STRA6: variants seen among roughly 807,000 people sequenced by gnomAD.
STRA6 encodes the protein receptor for retinol uptake STRA6.
STRA6 carries 48 observed loss-of-function variants against 83.6 expected under a neutral mutation model. The observed-to-expected ratio is 0.57, with a 90% CI of 0.46 to 0.73. The LOEUF (loss-of-function observed/expected upper bound fraction) is 0.73. Ranked by LOEUF, STRA6 falls within the 30% of genes least tolerant of loss-of-function variation. STRA6 has a pLI of 0.00. For missense variants in STRA6, 760 were observed against 838.8 expected (o/e 0.91, Z 1.16); for synonymous variants, 353 against 362.3 (o/e 0.97, Z 0.29).
chr15:74,199,593 A>C (rs1595860529), intron 2 of STRA6, among the ~76,000 whole-genome samples: 1 of 151,918 alleles, frequency 6.6e-6, no homozygotes, highest in Non-Finnish European at 1.5e-5. Flanking sequence ...TATGGACCTT[A>C]CCCCAAACCA....
rs758174551 is a variant in STRA6, at chr15:74,196,056, C to G, written c.358G>C (p.Asp120His). The G allele has an allele frequency of 1.7e-5, 28 of 1,613,836 alleles. No homozygotes were observed. The highest frequency in any genetic ancestry group is 2.4e-5 in the Non-Finnish European group (28 of 1,180,010). ...GTCAGGAAGGGCAATGCGTCCTCGT[C>G]GGGGAGCAGCAAACACAGGGAGCTC... ...LLSSLCLLLP[D>H]EDALPFLTLA... Residue 120 changes from aspartate (D) to histidine (H), a missense_variant, in exon 5 of 19, where the codon GAC becomes CAC. Transcript: ENST00000395105.
At chr15:74,195,787 G>A (rs752659652) in intron 5 of STRA6, 112 bp from the exon 6 acceptor site, 33 of 871,202 alleles carry the variant, frequency 3.8e-5, no homozygotes, top group Non-Finnish European at 5.7e-5. Flanking sequence ...CTACTTCCCT[G>A]GCTCTCAGTT....
At chr15:74,203,306 AGAG>A (rs2074168417), upstream of STRA6, 2 of 670,794 alleles carry the variant, frequency 3.0e-6, no homozygotes, top group Admixed American at 1.3e-4. Context: ...CGGGTAGGCA[AGAG>A]GAGCCCCGCC....
At chr15:74,186,185 G>C (rs115286077) in intron 12 of STRA6, among the ~76,000 whole-genome samples, 1 of 152,364 alleles carries the variant, frequency 6.6e-6, no homozygotes, top group Non-Finnish European at 1.5e-5. Flanking sequence ...TGGTGATTCA[G>C]TGTGCAGTCA....
chr15:74,185,891 A>C (rs193120339), intron 12 of STRA6, among the ~76,000 whole-genome samples: 12 of 152,370 alleles, frequency 7.9e-5, no homozygotes, highest in Non-Finnish European at 1.6e-4. Flanking sequence ...GCAGATCCAG[A>C]ATGAGCCTGA....
In STRA6 at chr15:74,196,108, C is replaced by A. The variant is rs769004682; in HGVS notation, c.306G>T (p.Val102=). ...GGAGGACCATGAAAACAGCAGCAGG[C>A]ACTGCCCGGGGCCTGTCCCCAGCCA... ...DFLAGDRPRA[V]PAAVFMVLLS... Residue 102 remains valine (V), a synonymous_variant, in exon 5 of 19, where the codon GTG becomes GTT. Coordinates refer to ENST00000395105, the MANE Select transcript of STRA6 (RefSeq NM_022369.4). 1.9e-6 allele frequency: 3 copies of A among 1,614,010 alleles called. No homozygotes were observed. Among genetic ancestry groups the A allele is most frequent in the Non-Finnish European group, 2.5e-6 (3 of 1,180,006 alleles).
chr15:74,208,853 T>C, exon 1 of STRA6: 1 of 988,894 alleles, frequency 1.0e-6, no homozygotes, highest in Non-Finnish European at 1.2e-6. Context: ...TCCTTTCCTT[T>C]ATTGATCTCT....
intron 7 of STRA6, among the ~76,000 whole-genome samples, 182 bp from the exon 8 acceptor site, chr15:74,194,104 G>A (rs937209102): frequency 2.6e-5 from 4 of 151,870 alleles, no homozygotes; most frequent in Non-Finnish European, 5.9e-5. Flanking sequence ...TCCCCTTCTC[G>A]AGCCCTGCAG....
Position 74,189,220 on chromosome 15 carries a change from C to T in STRA6, c.985G>A (p.Val329Ile). The T allele has an allele frequency of 6.2e-7, 1 of 1,611,890 alleles. No individual in the cohort carries two copies. Among genetic ancestry groups the T allele is most frequent in the Non-Finnish European group, 8.5e-7 (1 of 1,179,104 alleles). ...VPTIQKVRAGVTTDVSYLLAG... is the reference protein window; with the variant it reads ...VPTIQKVRAGITTDVSYLLAG... ...AGCAGGTAGGAGACATCCGTGGTGA[C>T]CCCTGCCCTCACCTTCTGGATAGTG... is the stretch of plus-strand genomic sequence containing the variant. The change falls in exon 12 of 19, where the codon GTC becomes ATC. Residue 329 changes from valine to isoleucine, a missense_variant. Transcript: ENST00000395105.
Position 74,180,736 on chromosome 15 carries a change from G to A in STRA6, c.1840+46C>T, listed in dbSNP as rs778139230. 13 of 1,566,648 alleles carry A rather than the reference G, an allele frequency of 8.3e-6. No homozygotes were observed. In the Admixed American group the frequency reaches 9.1e-5, roughly 11 times the overall value. On this transcript the variant is annotated intron_variant, in intron 18 of 18. Coordinates refer to ENST00000395105, the MANE Select transcript of STRA6 (RefSeq NM_022369.4). ...GGAGGGGCACACATCCTTCCTAGAAGAAGCTGGGTAGGCTCTATTCCCCCA... is the reference window on the plus strand; with the variant it reads ...GGAGGGGCACACATCCTTCCTAGAAAAAGCTGGGTAGGCTCTATTCCCCCA...
chr15:74,195,264 G>A (rs1388672717), intron 7 of STRA6, 38 bp downstream of exon 7: 2 of 1,606,526 alleles, frequency 1.2e-6, no homozygotes, highest in South Asian at 1.1e-5. Context: ...GTTGCTCTGT[G>A]CGCCCCTCTG....
chr15:74,202,156 C>A lies in STRA6; in HGVS notation c.112G>T (p.Gly38Trp), dbSNP rs746417423. 2.7e-6 allele frequency: 4 copies of A among 1,501,664 alleles called. No homozygotes were observed. The highest frequency in any genetic ancestry group is 3.5e-6 in the Non-Finnish European group (4 of 1,127,410). The allele number at this position is 1,501,664 out of a possible 1,614,324, so 93.0% of individuals were successfully genotyped here. ...GAGGTGGGGTGGTTCCACACTTACC[C>A]CTCTGGCTGGAGCTCCTCGCCCCCC... ...PQGGEELQPEGEVPSCHTSIP... is the reference protein window; with the variant it reads ...PQGGEELQPEWEVPSCHTSIP... Residue 38 changes from glycine (G) to tryptophan (W), a missense_variant and splice_region_variant, in exon 2 of 19, where the codon GGG (glycine) becomes TGG (tryptophan). Coordinates refer to ENST00000395105, the MANE Select transcript of STRA6 (RefSeq NM_022369.4).
chr15:74,191,864 G>A lies in STRA6; in HGVS notation c.721-373C>T, dbSNP rs567543299. On this transcript the variant is annotated intron_variant, in intron 8 of 18. Coordinates refer to ENST00000395105, the MANE Select transcript of STRA6 (RefSeq NM_022369.4). ...GGGCAAAGGGAAGCTTGTGTCCCAC[G>A]GGCACATCCTAGACCAGGACACAGA... 190 of 388,630 alleles carry A rather than the reference G, an allele frequency of 4.9e-4. 1 individual carries two copies. The highest frequency in any genetic ancestry group is 3.1e-3 in the South Asian group (140 of 45,274). The allele number at this position is 388,630 out of a possible 1,614,324, so 24.1% of individuals were successfully genotyped here.
chr15:74,206,244 C>T (rs2074259118), upstream of STRA6, among the ~76,000 whole-genome samples: 2 of 152,184 alleles, frequency 1.3e-5, no homozygotes, highest in South Asian at 2.1e-4. Context: ...CCTGCCCAGT[C>T]TGGTGCGGGC....
At position 74,191,450 on chromosome 15, in the gene STRA6, G is replaced by T; in HGVS notation, c.762C>A (p.Leu254=). 1 of 1,614,174 alleles carries T rather than the reference G, an allele frequency of 6.2e-7. No individual in the cohort carries two copies. Among genetic ancestry groups the T allele is most frequent in the Non-Finnish European group, 8.5e-7 (1 of 1,180,030 alleles). The change falls in exon 9 of 19, where the codon CTC becomes CTA. Residue 254 remains leucine (L), a synonymous_variant. Transcript: ENST00000395105. ...SSYSEEYLRN[L]LCRKKLGSSY... ...TGCTTCCCAGCTTCTTCCTGCAAAGGAGGTTCCTCAGATATTCCTCAGAGT... is the reference window on the plus strand; with the variant it reads ...TGCTTCCCAGCTTCTTCCTGCAAAGTAGGTTCCTCAGATATTCCTCAGAGT...
At chr15:74,210,899 T>C (rs907137621), upstream of STRA6, among the ~76,000 whole-genome samples, 4 of 152,198 alleles carry the variant, frequency 2.6e-5, no homozygotes, top group African/African-American at 9.7e-5. Context: ...TTGTGATAGC[T>C]GGATCTCAGG....
At chr15:74,191,336 C>T (rs2073528673) in intron 9 of STRA6, 88 bp downstream of exon 9, 1 of 1,607,350 alleles carries the variant, frequency 6.2e-7, no homozygotes. Flanking sequence ...CCCTCTGCCC[C>T]TGCCATGCTG....
Position 74,188,164 on chromosome 15 carries a change from T to G in STRA6, c.1090+951A>C, listed in dbSNP as rs1479893167. Among the ~76,000 whole-genome samples the G allele has an allele frequency of 6.6e-6, 1 of 152,270 alleles. No homozygotes were observed. The highest frequency in any genetic ancestry group is 1.9e-4 in the East Asian group (1 of 5,176). On this transcript the variant is annotated intron_variant, in intron 12 of 18. Transcript: ENST00000395105. This position sits in a 1 kb window ranked among gnomAD's most constrained non-coding sequence, Gnocchi z 4.5. ...GTCAGGGAAGGAAGTGGTCACTCCG[T>G]GCACCTCTGCCCACCCCCCACTCCC...
intron 8 of STRA6, among the ~76,000 whole-genome samples, chr15:74,193,043 T>C (rs969790750): frequency 3.3e-5 from 5 of 152,206 alleles, no homozygotes; most frequent in African/African-American, 1.2e-4. Flanking sequence ...GAGATTGAAG[T>C]ATCTTCTAAG....
Sources: gnomAD v4.1 joint callset for allele counts (sites outside exome capture counted in the v4.1 genomes callset) on GRCh38, gnomAD v4.1.1 for gene constraint, Gnocchi (gnomAD v3.1) non-coding constraint, MANE v1.5 for transcripts, NCBI Gene and HGNC (gene_info 2026-07-23, HGNC 2026-07-21) for gene names.